Variants in C10orf71 observed in about 807,000 individuals in gnomAD.
C10orf71 encodes chromosome 10 open reading frame 71.
For missense variants in C10orf71, 1,869 were observed against 1,804.5 expected (o/e 1.04, Z -0.65); for synonymous variants, 758 against 726.3 (o/e 1.04, Z -0.70).
intron 2 of C10orf71, among the ~76,000 whole-genome samples, chr10:49,317,798 C>T (rs145498373): frequency 6.6e-6 from 1 of 152,234 alleles, no homozygotes; most frequent in Non-Finnish European, 1.5e-5. Flanking sequence ...CTGCAGTAAG[C>T]TATGATTACG....
chr10:49,301,366 T>C (rs1422812063), intron 1 of C10orf71, among the ~76,000 whole-genome samples: 2 of 152,232 alleles, frequency 1.3e-5, no homozygotes, highest in African/African-American at 2.4e-5. Context: ...AATCATATGC[T>C]TCATTTAGTT....
At chr10:49,302,057 T>C (rs1378264057) in intron 1 of C10orf71, among the ~76,000 whole-genome samples, 2 of 152,168 alleles carry the variant, frequency 1.3e-5, no homozygotes, top group Non-Finnish European at 2.9e-5. Flanking sequence ...AAGGATTTCA[T>C]CTGGGATATC....
chr10:49,321,806 T>C (rs997162105), intron 2 of C10orf71, among the ~76,000 whole-genome samples: 4 of 152,250 alleles, frequency 2.6e-5, no homozygotes, highest in Admixed American at 1.3e-4. Flanking sequence ...TGGTTAGTGA[T>C]GGTGAGCCCC....
In C10orf71 at chr10:49,326,726, C is replaced by A. The variant is rs565274702; in HGVS notation, c.4181C>A (p.Pro1394Gln). 2 of 1,551,200 alleles carry A rather than the reference C, an allele frequency of 1.3e-6. No individual in the cohort carries two copies. The highest frequency in any genetic ancestry group is 2.0e-5 in the Admixed American group (1 of 50,994). ...LDPGPHGDCT[P>Q]HSAGQRPHGP... ...CCAGGGCCTCACGGTGACTGCACCC[C>A]GCACTCTGCAGGCCAGCGCCCTCAT... The change falls in exon 3 of 3, where the codon CCG becomes CAG. Residue 1394 changes from proline to glutamine, a missense_variant. By Grantham distance (76) the Pro-to-Gln change is moderately conservative. Transcript: ENST00000374144.
chr10:49,305,995 C>T (rs1848806354), intron 1 of C10orf71, among the ~76,000 whole-genome samples: 2 of 152,196 alleles, frequency 1.3e-5, no homozygotes, highest in South Asian at 2.1e-4. Context: ...CATATGTCTC[C>T]AAGCATGTTC....
intron 2 of C10orf71, among the ~76,000 whole-genome samples, chr10:49,321,665 C>T (rs1046974032): frequency 3.3e-5 from 5 of 152,226 alleles, no homozygotes; most frequent in Admixed American, 2.6e-4. Flanking sequence ...TACATTTCCA[C>T]CAACAGTGTA....
rs1590340680 is a variant in C10orf71, at chr10:49,324,222, G to A, written c.1677G>A (p.Glu559=). The part of the protein sequence containing the change: ...EESPPNELSK[E]RPADDPTASH... ...GCCCTCCAAATGAGCTTTCTAAGGA[G>A]AGACCCGCTGATGACCCCACTGCAT... The change falls in exon 3 of 3, where the codon GAG becomes GAA. Residue 559 remains glutamate (E), a synonymous_variant. Coordinates refer to ENST00000374144, the MANE Select transcript of C10orf71 (RefSeq NM_001135196.2). The A allele has an allele frequency of 1.2e-6, 2 of 1,613,956 alleles. No homozygotes were observed. The highest frequency in any genetic ancestry group is 2.7e-5 in the African/African-American group (2 of 75,028).
intron 1 of C10orf71, among the ~76,000 whole-genome samples, chr10:49,308,519 G>C (rs1345469441): frequency 6.6e-6 from 1 of 152,204 alleles, no homozygotes; most frequent in African/African-American, 2.4e-5. Context: ...GGCCAGACTG[G>C]ATGCACAATG....
At position 49,323,176 on chromosome 10, in the gene C10orf71, C is replaced by G. The variant is rs1461358211; in HGVS notation, c.631C>G (p.Gln211Glu). The change falls in exon 3 of 3, where the codon CAG becomes GAG. Residue 211 changes from glutamine (Q) to glutamate (E), a missense_variant. By Grantham distance (29) the Gln-to-Glu change is conservative. Coordinates refer to ENST00000374144, the MANE Select transcript of C10orf71 (RefSeq NM_001135196.2). ...TTCCAACACCCATCAGAACAGCTACCAGCCAGGCAGGAAGCACGGAGAACA... is the reference window on the plus strand; with the variant it reads ...TTCCAACACCCATCAGAACAGCTACGAGCCAGGCAGGAAGCACGGAGAACA... ...EVSNTHQNSY[Q>E]PGRKHGEQES... 2 of 1,614,002 alleles carry G rather than the reference C, an allele frequency of 1.2e-6. No individual in the cohort carries two copies. The highest frequency in any genetic ancestry group is 4.5e-5 in the East Asian group (2 of 44,884).
intron 1 of C10orf71, among the ~76,000 whole-genome samples, chr10:49,310,843 G>A (rs996791773): frequency 3.7e-4 from 56 of 152,248 alleles, no homozygotes; most frequent in African/African-American, 1.1e-3. Flanking sequence ...GGAGGAAGTC[G>A]TCGTCCAGTG....
At chr10:49,314,574 G>A (rs1848968492) in intron 1 of C10orf71, among the ~76,000 whole-genome samples, 1 of 152,214 alleles carries the variant, frequency 6.6e-6, no homozygotes, top group Non-Finnish European at 1.5e-5. Context: ...TAGGGGGAAA[G>A]CCCAAGCACA....
At chr10:49,314,358 G>A (rs1341725540) in intron 1 of C10orf71, among the ~76,000 whole-genome samples, 3 of 152,166 alleles carry the variant, frequency 2.0e-5, no homozygotes, top group South Asian at 2.1e-4. Context: ...TTAAAACATG[G>A]CCCTGCCATG....
intron 1 of C10orf71, among the ~76,000 whole-genome samples, chr10:49,311,810 C>T (rs1292731267): frequency 6.6e-6 from 1 of 152,120 alleles, no homozygotes; most frequent in African/African-American, 2.4e-5. Context: ...GCACCACAGG[C>T]CTGGAGGAAG....
At position 49,311,067 on chromosome 10, in the gene C10orf71, C is replaced by T. The variant is rs551774375; in HGVS notation, c.-247-5078C>T. Among the ~76,000 whole-genome samples the T allele has an allele frequency of 2.2e-4, 34 of 152,186 alleles. 1 individual carries two copies. The highest frequency in any genetic ancestry group is 5.8e-4 in the African/African-American group (24 of 41,498). ...CAGTGTCCCCAGGACCACCAAGACC[C>T]GGCCCCAAGCCCACTCTGTCACTCA... On this transcript the variant is annotated intron_variant, in intron 1 of 2. Transcript: ENST00000374144.
chr10:49,326,462 A>C lies in C10orf71; in HGVS notation c.3917A>C (p.Lys1306Thr), dbSNP rs138233276. ...ACCTTCTATGACCCAGAGACGGGCAAGTATGTCAAGGTCTCCATCCCGTCC... is the reference window on the plus strand; with the variant it reads ...ACCTTCTATGACCCAGAGACGGGCACGTATGTCAAGGTCTCCATCCCGTCC... ...IKTFYDPETG[K>T]YVKVSIPSSE... Residue 1306 changes from lysine to threonine, a missense_variant, in exon 3 of 3, where the codon AAG becomes ACG. Lys to Thr is a moderately conservative substitution (Grantham distance 78). Transcript: ENST00000374144. 85 of 1,550,254 alleles carry C rather than the reference A, an allele frequency of 5.5e-5. 1 individual carries two copies. The East Asian group carries it at 2.1e-3, about 38-fold the overall frequency.
Position 49,322,617 on chromosome 10 carries a change from T to C in C10orf71, c.72T>C (p.Asp24=), listed in dbSNP as rs753242396. ...DSSSIGSVLD[D]ADREVSSLTD... ...CCAGCATCGGCAGCGTGTTGGATGA[T>C]GCAGACAGGGAGGTGAGCAGCCTAA... The change falls in exon 3 of 3, where the codon GAT becomes GAC. Residue 24 remains aspartate, a synonymous_variant. Transcript: ENST00000374144. The C allele has an allele frequency of 5.0e-6, 8 of 1,613,224 alleles. No individual in the cohort carries two copies. The highest frequency in any genetic ancestry group is 6.8e-6 in the Non-Finnish European group (8 of 1,179,508).
chr10:49,303,021 C>A (rs532373957), intron 1 of C10orf71, among the ~76,000 whole-genome samples: 1 of 152,322 alleles, frequency 6.6e-6, no homozygotes, highest in East Asian at 1.9e-4. Flanking sequence ...GTTCCCAGCA[C>A]GTGGTAGAAA....
chr10:49,327,076 G>C lies in C10orf71; in HGVS notation c.*223G>C. 2 of 1,488,956 alleles carry C rather than the reference G, an allele frequency of 1.3e-6. No individual in the cohort carries two copies. The highest frequency in any genetic ancestry group is 1.8e-6 in the Non-Finnish European group (2 of 1,107,320). The allele number at this position is 1,488,956 out of a possible 1,614,324, so 92.2% of individuals were successfully genotyped here. ...GGCTCTCCTCTGATGGAGGGGCACT[G>C]CTTGCTTGGCCCGGTCCCCTCCGTG... On this transcript the variant is annotated 3_prime_UTR_variant, in exon 3 of 3. Coordinates refer to ENST00000374144, the MANE Select transcript of C10orf71 (RefSeq NM_001135196.2).
chr10:49,325,044 A>T lies in C10orf71; in HGVS notation c.2499A>T (p.Thr833=). The T allele has an allele frequency of 6.4e-7, 1 of 1,551,814 alleles. No homozygotes were observed. Among genetic ancestry groups the T allele is most frequent in the Non-Finnish European group, 8.7e-7 (1 of 1,147,026 alleles). The change falls in exon 3 of 3, where the codon ACA becomes ACT. Residue 833 remains threonine, a synonymous_variant. Transcript: ENST00000374144. ...CTTGGATTGGGGAAAATAAGGGCAC[A>T]ACCTTTTCACAGGCCAAAGACCTTA... The part of the protein sequence containing the change: ...RGSWIGENKG[T]TFSQAKDLTP...
Sources: gnomAD v4.1 joint callset for allele counts (sites outside exome capture counted in the v4.1 genomes callset) on GRCh38, gnomAD v4.1.1 for gene constraint, MANE v1.5 for transcripts, NCBI Gene and HGNC (gene_info 2026-07-23, HGNC 2026-07-21) for gene names.